FARP2: variants seen among roughly 807,000 people sequenced by gnomAD.
The protein encoded by FARP2 is FERM, ARH/RhoGEF and pleckstrin domain protein 2, also known as FERM, ARHGEF and pleckstrin domain-containing protein 2.
In FARP2, 111 loss-of-function variants were observed where a neutral mutation model predicts 130.5. That is an observed-to-expected ratio of 0.85 (90% CI 0.73 to 1.00). FARP2 has a LOEUF of 1.00. Among genes scored for constraint, FARP2 ranks in the 50% least tolerant of loss-of-function variants. The probability of loss-of-function intolerance (pLI) is 0.00; values close to 1 mark genes in which losing one functional copy is unlikely to be tolerated. For synonymous variants in FARP2, 504 were observed against 516.9 expected, an observed-to-expected ratio of 0.98 and a Z score of 0.34; for missense variants, 1,385 against 1,346.3, an observed-to-expected ratio of 1.03 and a Z score of -0.45.
At position 241,459,863 on chromosome 2, in the gene FARP2, G is replaced by C. The variant is rs1574869882; in HGVS notation, c.1588-2660G>C. 6.6e-6 allele frequency among the ~76,000 whole-genome samples: 1 copy of C among 152,190 alleles called. No individual in the cohort carries two copies. Among genetic ancestry groups the C allele is most frequent in the South Asian group, 2.1e-4 (1 of 4,820 alleles). ...GGGCGGGACGGAAGACCCTTCTCTT[G>C]GCCAGTCTGCTCCCCTGACTCCCCT... On this transcript the variant is annotated intron_variant, in intron 14 of 26. Coordinates refer to ENST00000264042, the MANE Select transcript of FARP2 (RefSeq NM_014808.4). This position sits in a 1 kb window ranked among gnomAD's most constrained non-coding sequence, Gnocchi z 5.3.
At position 241,381,370 on chromosome 2, in the gene FARP2, G is replaced by A. The variant is rs563506860; in HGVS notation, c.183+8080G>A. Reference sequence around the variant, plus strand: ...GGTGCTCTAGGCAGGATTGAGGACCGCTGACTTTGAGAAGAGTTCACAGGC... The same window carrying A: ...GGTGCTCTAGGCAGGATTGAGGACCACTGACTTTGAGAAGAGTTCACAGGC... On this transcript the variant is annotated intron_variant, in intron 2 of 26. Transcript: ENST00000264042. 3.9e-5 allele frequency among the ~76,000 whole-genome samples: 6 copies of A among 152,206 alleles called. No individual in the cohort carries two copies. In the East Asian group the frequency reaches 1.2e-3, roughly 29 times the overall value.
chr2:241,434,290 T>A lies in FARP2; in HGVS notation c.1000T>A (p.Phe334Ile). Residue 334 changes from phenylalanine (F) to isoleucine (I), a missense_variant, in exon 10 of 27, where the codon TTC (phenylalanine) becomes ATC (isoleucine). By Grantham distance (21) the Phe-to-Ile change is conservative. Transcript: ENST00000264042. ...DQPKPKAKAV[F>I]FSRGSSFRYS... ...ACCTAAGCCAAAAGCAAAAGCCGTC[T>A]TCTTCAGCCGGGGCTCCTCCTTCAG... 6.2e-7 allele frequency: 1 copy of A among 1,613,208 alleles called. No homozygotes were observed. Among genetic ancestry groups the A allele is most frequent in the South Asian group, 1.1e-5 (1 of 90,798 alleles).
chr2:241,442,282 TC>T (rs1459034630), intron 13 of FARP2: 10 of 456,526 alleles, frequency 2.2e-5, no homozygotes, highest in Non-Finnish European at 4.0e-5. Context: ...CCGCTCTGAG[TC>T]CAGCTCGGCC....
chr2:241,387,143 C>T (rs2061803453), intron 2 of FARP2: 1 of 152,190 alleles, frequency 6.6e-6, no homozygotes, highest in African/African-American at 2.4e-5. Flanking sequence ...TTTATTCGGT[C>T]CTCTCTGTTA....
intron 4 of FARP2, among the ~76,000 whole-genome samples, chr2:241,406,112 G>C (rs1272257435): frequency 1.3e-5 from 2 of 151,968 alleles, no homozygotes; most frequent in Non-Finnish European, 2.9e-5. Flanking sequence ...GACCATCCTG[G>C]CTAACATGGT....
chr2:241,473,297 T>C (rs2064367644), intron 18 of FARP2, among the ~76,000 whole-genome samples: 1 of 151,396 alleles, frequency 6.6e-6, no homozygotes, highest in African/African-American at 2.4e-5. Flanking sequence ...CTGAGTGAGA[T>C]GCTGTTCTGA....
chr2:241,375,592 A>G (rs2061518056), intron 2 of FARP2, among the ~76,000 whole-genome samples: 1 of 152,206 alleles, frequency 6.6e-6, no homozygotes, highest in Non-Finnish European at 1.5e-5. Flanking sequence ...AGGTTTTACA[A>G]TATTTAGAGC....
intron 13 of FARP2, among the ~76,000 whole-genome samples, chr2:241,449,755 T>C (rs1326111534): frequency 1.3e-5 from 2 of 152,022 alleles, no homozygotes; most frequent in East Asian, 3.9e-4. Flanking sequence ...TCCCAGCACT[T>C]TGGGAGGCGA....
intron 8 of FARP2, among the ~76,000 whole-genome samples, chr2:241,422,543 AAGTC>A (rs2062838374): frequency 6.6e-6 from 1 of 152,172 alleles, no homozygotes; most frequent in Non-Finnish European, 1.5e-5. Context: ...AACACTCAAA[AAGTC>A]AGAGTGCCTC....
chr2:241,465,936 A>G, intron 17 of FARP2: 2 of 1,421,600 alleles, frequency 1.4e-6, no homozygotes, highest in Non-Finnish European at 1.8e-6. Flanking sequence ...CCTCGACGGA[A>G]GCTGAGTCAG....
rs78422052 is a variant in FARP2 at position 241,404,754 on chromosome 2, G to T, written c.289-45G>T. 1,315 of 1,435,470 alleles carry T rather than the reference G, an allele frequency of 9.2e-4. 13 individuals carry two copies. In the African/African-American group the frequency reaches 0.016, roughly 17 times the overall value. 88.9% of individuals were successfully genotyped at this position (1,435,470 alleles called of 1,614,324 possible). A position where few individuals can be genotyped will look rare whatever the true frequency, so the allele number is the denominator to read the frequency against. ...TTTTATAGCATACTTGTTAAATAGAGACATTATTTAATAGATTGGATTTCT... is the reference window on the plus strand; with the variant it reads ...TTTTATAGCATACTTGTTAAATAGATACATTATTTAATAGATTGGATTTCT... On this transcript the variant is annotated intron_variant, in intron 3 of 26. Transcript: ENST00000264042.
rs768290561 is a variant in FARP2 at position 241,491,138 on chromosome 2, C to T, written c.2582C>T (p.Ala861Val). Residue 861 changes from alanine to valine, a missense_variant, in exon 23 of 27, where the codon GCC becomes GTC. Physicochemically the swap from Ala to Val is moderately conservative, Grantham distance 64. Transcript: ENST00000264042. ...IQAAKSGGDT[A>V]PALPGRTVCT... Reference sequence around the variant, plus strand: ...GCAGCCAAGAGTGGCGGTGACACGGCCCCTGCACTGCCAGGCCGCACTGTG... The same window carrying T: ...GCAGCCAAGAGTGGCGGTGACACGGTCCCTGCACTGCCAGGCCGCACTGTG... The T allele has an allele frequency of 5.0e-6, 8 of 1,613,050 alleles. No homozygotes were observed. Among genetic ancestry groups the T allele is most frequent in the South Asian group, 2.2e-5 (2 of 91,088 alleles).
At chr2:241,409,312 C>T (rs758416243) in intron 5 of FARP2, among the ~76,000 whole-genome samples, 2 of 152,088 alleles carry the variant, frequency 1.3e-5, no homozygotes, top group African/African-American at 2.4e-5. Context: ...CACTTCAGGA[C>T]GCCAAGGTGG....
At chr2:241,393,341 T>C (rs554160767) in intron 2 of FARP2, among the ~76,000 whole-genome samples, 1 of 152,098 alleles carries the variant, frequency 6.6e-6, no homozygotes, top group Admixed American at 6.5e-5. Flanking sequence ...CTTAGTGCAA[T>C]TTGGAGTAGA....
chr2:241,462,040 GTC>G (rs1422515056), intron 14 of FARP2, among the ~76,000 whole-genome samples: 2 of 152,234 alleles, frequency 1.3e-5, no homozygotes, highest in South Asian at 2.1e-4. Flanking sequence ...GGGCTGGGCT[GTC>G]TCTAGCAGGG....
chr2:241,367,913 T>G (rs2061349520), intron 1 of FARP2, among the ~76,000 whole-genome samples: 1 of 151,808 alleles, frequency 6.6e-6, no homozygotes, highest in Admixed American at 6.6e-5. Flanking sequence ...TAGAGCAGTT[T>G]TAGGTTAATA....
intron 8 of FARP2, among the ~76,000 whole-genome samples, chr2:241,424,557 A>AG (rs1371493379): frequency 4.6e-5 from 7 of 152,220 alleles, no homozygotes; most frequent in Non-Finnish European, 1.0e-4. Context: ...GAACTAAAAA[A>AG]TCAAGAGCAA....
intron 9 of FARP2, among the ~76,000 whole-genome samples, chr2:241,433,272 C>T (rs913870864): frequency 2.0e-5 from 3 of 152,198 alleles, no homozygotes; most frequent in South Asian, 2.1e-4. Flanking sequence ...CTTACCTAAG[C>T]ACGTTTTAAA....
Position 241,465,734 on chromosome 2 carries a change from G to C in FARP2, c.1893+1754G>C, listed in dbSNP as rs1242865704. 4 of 1,550,774 alleles carry C rather than the reference G, an allele frequency of 2.6e-6. No individual in the cohort carries two copies. In the East Asian group the frequency reaches 9.8e-5, roughly 38 times the overall value. Reference sequence around the variant, plus strand: ...GTGGAGCTCTGCATAACACCATGAAGCTGAGCCACAGTGACGACGACGACT... The same window carrying C: ...GTGGAGCTCTGCATAACACCATGAACCTGAGCCACAGTGACGACGACGACT... On this transcript the variant is annotated intron_variant, in intron 17 of 26. Coordinates refer to ENST00000264042, the MANE Select transcript of FARP2 (RefSeq NM_014808.4).
Sources: allele counts gnomAD v4.1 joint callset (sites outside exome capture counted in the v4.1 genomes callset), GRCh38; gene constraint gnomAD v4.1.1; non-coding constraint Gnocchi (gnomAD v3.1); transcripts MANE v1.5; gene names NCBI Gene and HGNC (gene_info 2026-07-23, HGNC 2026-07-21).